RNGTT: variants seen among roughly 807,000 people sequenced by gnomAD.
RNGTT encodes the protein RNA guanylyltransferase and 5'-phosphatase, also known as mRNA-capping enzyme.
Under a neutral mutation model 79.3 loss-of-function variants are expected in RNGTT, and 33 were observed. The observed-to-expected ratio is 0.42, with a 90% CI of 0.32 to 0.56. The LOEUF is 0.56. Ranked by LOEUF, RNGTT falls within the 20% of genes least tolerant of loss-of-function variation. The pLI, the probability that RNGTT is intolerant of heterozygous loss-of-function variation, is 0.17. For synonymous variants in RNGTT, 222 were observed against 235.9 expected, an observed-to-expected ratio of 0.94 and a Z score of 0.54; for missense variants, 497 against 739.1, an observed-to-expected ratio of 0.67 and a Z score of 3.80.
At chr6:88,838,659 G>T (rs1781162524) in intron 11 of RNGTT, among the ~76,000 whole-genome samples, 1 of 152,016 alleles carries the variant, frequency 6.6e-6, no homozygotes. Context: ...TAGAAAACTT[G>T]GCATTGTTAT....
chr6:88,834,086 A>AT (rs995583058), intron 11 of RNGTT, among the ~76,000 whole-genome samples: 1 of 152,182 alleles, frequency 6.6e-6, no homozygotes, highest in Non-Finnish European at 1.5e-5. Flanking sequence ...ACAAATAGGT[A>AT]TTTTTTTGAA....
At chr6:88,653,048 A>G (rs1773854502) in intron 14 of RNGTT, among the ~76,000 whole-genome samples, 1 of 152,146 alleles carries the variant, frequency 6.6e-6, no homozygotes, top group Non-Finnish European at 1.5e-5. Flanking sequence ...AGCAATAGGG[A>G]TTTTTACATA....
At chr6:88,939,767 T>C (rs1433197134) in intron 2 of RNGTT, among the ~76,000 whole-genome samples, 4 of 149,654 alleles carry the variant, frequency 2.7e-5, no homozygotes, top group Non-Finnish European at 4.4e-5. Flanking sequence ...CACTCACTTC[T>C]CCTTTTTTTT....
chr6:88,906,371 T>C lies in RNGTT; in HGVS notation c.437A>G (p.Asp146Gly). ...LICAFLVEKM[D>G]WSIEAAVATF... ...TATAACAAGATACAAATACCTCCAA[T>C]CCATTTTCTCCACCAAAAAGGCACA... The change falls in exon 5 of 16, where the codon GAT (aspartate) becomes GGT (glycine). Residue 146 changes from aspartate (D) to glycine (G), a missense_variant. Physicochemically the swap from Asp to Gly is moderately conservative, Grantham distance 94 (BLOSUM62 -1). Coordinates refer to ENST00000369485, the MANE Select transcript of RNGTT (RefSeq NM_003800.5). The C allele has an allele frequency of 6.3e-7, 1 of 1,585,780 alleles. No homozygotes were observed. Among genetic ancestry groups the C allele is most frequent in the Non-Finnish European group, 8.6e-7 (1 of 1,164,224 alleles).
At chr6:88,814,313 T>G (rs1780244405) in intron 11 of RNGTT, among the ~76,000 whole-genome samples, 1 of 152,200 alleles carries the variant, frequency 6.6e-6, no homozygotes, top group African/African-American at 2.4e-5. Flanking sequence ...TGAATTTCCT[T>G]TCTTCAAACT....
intron 14 of RNGTT, among the ~76,000 whole-genome samples, chr6:88,617,097 G>C (rs1317177091): frequency 6.6e-6 from 1 of 152,162 alleles, no homozygotes; most frequent in Non-Finnish European, 1.5e-5. Context: ...GTGAAACCCT[G>C]TCTCTACTAA....
chr6:88,830,619 C>A (rs1452490123), intron 11 of RNGTT, among the ~76,000 whole-genome samples: 6 of 150,254 alleles, frequency 4.0e-5, no homozygotes, highest in African/African-American at 1.2e-4. Context: ...AAAAAAAAAA[C>A]CCTTCAAAAA....
intron 10 of RNGTT, among the ~76,000 whole-genome samples, chr6:88,848,677 C>T (rs901062929): frequency 6.9e-6 from 1 of 144,894 alleles, no homozygotes; most frequent in Non-Finnish European, 1.5e-5. Flanking sequence ...TGGATACACA[C>T]ATAGGTAGTA....
At chr6:88,917,092 A>G (rs1038034391) in intron 4 of RNGTT, among the ~76,000 whole-genome samples, 7 of 152,184 alleles carry the variant, frequency 4.6e-5, no homozygotes, top group Non-Finnish European at 1.0e-4. Flanking sequence ...CCTATTAAAT[A>G]TATCTTTCTA....
At chr6:88,814,232 T>C (rs946097257) in intron 11 of RNGTT, among the ~76,000 whole-genome samples, 1 of 152,208 alleles carries the variant, frequency 6.6e-6, no homozygotes, top group Non-Finnish European at 1.5e-5. Context: ...TCATCCTTTA[T>C]TACCTATATA....
intron 4 of RNGTT, among the ~76,000 whole-genome samples, chr6:88,919,854 C>T (rs926189484): frequency 6.6e-6 from 1 of 151,788 alleles, no homozygotes; most frequent in Non-Finnish European, 1.5e-5. Context: ...CCACGCCTGG[C>T]TAATTTTGTA....
intron 8 of RNGTT, among the ~76,000 whole-genome samples, chr6:88,877,393 G>C (rs1474726146): frequency 1.3e-5 from 2 of 152,208 alleles, no homozygotes; most frequent in Non-Finnish European, 2.9e-5. Context: ...AGGCACTACA[G>C]ATAGCGGCTC....
At chr6:88,698,233 GA>G (rs1775797191) in intron 13 of RNGTT, among the ~76,000 whole-genome samples, 1 of 93,052 alleles carries the variant, frequency 1.1e-5, no homozygotes, top group Non-Finnish European at 1.7e-5. Flanking sequence ...ATATATATAT[GA>G]AATATATATA....
chr6:88,640,334 C>T (rs1218944966), intron 14 of RNGTT, among the ~76,000 whole-genome samples: 2 of 148,250 alleles, frequency 1.3e-5, no homozygotes. Flanking sequence ...AGGATAACTT[C>T]AGCTCAGGAG....
Position 88,904,772 on chromosome 6 carries a change from T to C in RNGTT, c.627A>G (p.Glu209=). ...DEDEDEDGKK[E]SEPGSSASFG... ...AAGAAGCACTTGACCCGGGTTCTGATTCCTTCTTTCCATCCTCATCCTCAT... is the reference window on the plus strand; with the variant it reads ...AAGAAGCACTTGACCCGGGTTCTGACTCCTTCTTTCCATCCTCATCCTCAT... The change falls in exon 6 of 16, where the codon GAA becomes GAG. Residue 209 remains glutamate (E), a synonymous_variant. Transcript: ENST00000369485. 1.2e-6 allele frequency: 2 copies of C among 1,614,148 alleles called. No individual in the cohort carries two copies. The highest frequency in any genetic ancestry group is 2.2e-5 in the South Asian group (2 of 91,086).
At chr6:88,826,816 A>ATATATG (rs1274359998) in intron 11 of RNGTT, among the ~76,000 whole-genome samples, 2 of 92,148 alleles carry the variant, frequency 2.2e-5, no homozygotes, top group African/African-American at 4.8e-5. Flanking sequence ...ATATATATAT[A>ATATATG]TGTGTGTGTA....
At chr6:88,853,490 G>C (rs1582544721) in intron 9 of RNGTT, 139 bp downstream of exon 9, 4 of 606,478 alleles carry the variant, frequency 6.6e-6, no homozygotes, top group Non-Finnish European at 1.1e-5. Flanking sequence ...GGGCGACAGA[G>C]CGAGACTCCG....
At chr6:88,854,987 A>G (rs947149115) in intron 8 of RNGTT, among the ~76,000 whole-genome samples, 3 of 152,218 alleles carry the variant, frequency 2.0e-5, no homozygotes, top group African/African-American at 7.2e-5. Context: ...TTTATAGCAA[A>G]AAAGATTAGA....
rs769607503 is a variant in RNGTT at position 88,801,635 on chromosome 6, A to G, written c.1270-3T>C. ...TTGGCAAAATTTCCTTCAAGTAGCT[A>G]TAAAATAAATACACATGTATTCTTT... On this transcript the variant is annotated splice_region_variant and splice_polypyrimidine_tract_variant and intron_variant, in intron 11 of 15. Coordinates refer to ENST00000369485, the MANE Select transcript of RNGTT (RefSeq NM_003800.5). The G allele has an allele frequency of 6.3e-7, 1 of 1,576,440 alleles. No homozygotes were observed. The highest frequency in any genetic ancestry group is 1.1e-5 in the South Asian group (1 of 90,204).
Sources: allele counts gnomAD v4.1 joint callset (sites outside exome capture counted in the v4.1 genomes callset), GRCh38; gene constraint gnomAD v4.1.1; transcripts MANE v1.5; gene names NCBI Gene and HGNC (gene_info 2026-07-23, HGNC 2026-07-21).